The following OR2T2 variants were observed in gnomAD, a reference collection of about 807,000 sequenced individuals.
OR2T2 encodes olfactory receptor 2T2.
For missense variants in OR2T2, 138 were observed against 409.1 expected, an observed-to-expected ratio of 0.34 and a Z score of 5.72; for synonymous variants, 50 against 162.7, an observed-to-expected ratio of 0.31 and a Z score of 5.27.
chr1:248,447,239 G>T (rs1362324240), intron 2 of OR2T2, among the ~76,000 whole-genome samples: 1 of 150,082 alleles, frequency 6.7e-6, no homozygotes, highest in Non-Finnish European at 1.5e-5. Flanking sequence ...GAGTACAGGA[G>T]TAGCTTGTGT....
Position 248,446,583 on chromosome 1 carries a change from C to G in OR2T2, c.-245-6C>G, listed in dbSNP as rs1460489961. The stretch of plus-strand genomic sequence containing the variant: ...ATTCCCTTACTCTCCATTTCCTCTT[C>G]CACAGCGTTAGCAGGGTGGACTGGA... On this transcript the variant is annotated splice_region_variant and splice_polypyrimidine_tract_variant and intron_variant, in intron 1 of 2. Coordinates refer to ENST00000642130, the Ensembl canonical transcript of OR2T2. The G allele has an allele frequency of 6.8e-6, 1 of 147,380 alleles. No individual in the cohort carries two copies. The highest frequency in any genetic ancestry group is 2.7e-5 in the African/African-American group (1 of 36,526). The allele number at this position is 147,380 out of a possible 1,614,324, so 9.1% of individuals were successfully genotyped here.
At chr1:248,448,514 CTG>C (rs1334084980) in intron 2 of OR2T2, among the ~76,000 whole-genome samples, 1 of 16,968 alleles carries the variant, frequency 5.9e-5, no homozygotes, top group Non-Finnish European at 1.1e-4. Context: ...TAAGGGGAAA[CTG>C]TACCTTTGTC....
At chr1:248,453,746 G>T in exon 3 of OR2T2, 2 of 1,610,556 alleles carry the variant, frequency 1.2e-6, no homozygotes, top group Non-Finnish European at 8.5e-7. Context: ...GAGCATCAGG[G>T]TGGCGACTGT....
intron 2 of OR2T2, among the ~76,000 whole-genome samples, chr1:248,448,240 A>AGC: frequency 1.3e-5 from 2 of 150,652 alleles, no homozygotes; most frequent in Non-Finnish European, 2.9e-5. Context: ...CAAGATCTAT[A>AGC]TTAAGAAAAA....
chr1:248,449,195 T>C (rs1240186043), intron 2 of OR2T2: 102 of 150,316 alleles, frequency 6.8e-4, no homozygotes, highest in African/African-American at 2.3e-3. Context: ...CCTTTCAAGC[T>C]TTACAGGTAC....
At chr1:248,448,154 G>GT (rs1480648592) in intron 2 of OR2T2, among the ~76,000 whole-genome samples, 1 of 150,880 alleles carries the variant, frequency 6.6e-6, no homozygotes, top group Non-Finnish European at 1.5e-5. Flanking sequence ...AAGAGAGGCT[G>GT]TAAGGTGCTT....
exon 3 of OR2T2, chr1:248,453,402 C>T (rs1662860102): frequency 6.9e-6 from 11 of 1,585,312 alleles, no homozygotes; most frequent in Admixed American, 1.8e-5. Flanking sequence ...CTGATGTATG[C>T]CTGCTGCGTG....
chr1:248,445,895 G>A (rs1662631771), intron 1 of OR2T2, among the ~76,000 whole-genome samples: 2 of 149,444 alleles, frequency 1.3e-5, no homozygotes, highest in South Asian at 4.1e-4. Flanking sequence ...GGGAAGCTAA[G>A]GGAAATGTAA....
At chr1:248,453,117 C>T (rs149125804) in exon 3 of OR2T2, 6 of 1,606,750 alleles carry the variant, frequency 3.7e-6, no homozygotes, top group African/African-American at 2.9e-5. Context: ...CTCTACCTGA[C>T]CCTGATTGGA....
At chr1:248,447,124 G>C (rs1253895814) in intron 2 of OR2T2, among the ~76,000 whole-genome samples, 2 of 152,112 alleles carry the variant, frequency 1.3e-5, no homozygotes, top group East Asian at 3.8e-4. Flanking sequence ...TAAGGGAAAA[G>C]AGAAATTCAC....
At chr1:248,453,864 G>A (rs1466905449) in exon 3 of OR2T2, 4 of 1,483,564 alleles carry the variant, frequency 2.7e-6, no homozygotes, top group Non-Finnish European at 2.8e-6. Context: ...GATCAGGAAG[G>A]ACTAGCAAGG....
intron 2 of OR2T2, 57 bp downstream of exon 2, chr1:248,446,868 A>C (rs1389243131): frequency 1.4e-5 from 2 of 147,474 alleles, no homozygotes; most frequent in Admixed American, 6.6e-5. Flanking sequence ...AACTTCTGGC[A>C]TAGTAAGTGT....
At chr1:248,447,963 G>A (rs75914430) in intron 2 of OR2T2, among the ~76,000 whole-genome samples, 11,648 of 139,160 alleles carry the variant, frequency 0.084, 8 homozygotes, top group African/African-American at 0.13. Flanking sequence ...GTAGTGTGGT[G>A]GAAATATCAT....
rs1553319228 is a variant in OR2T2, at chr1:248,449,831, T to TTTC, written c.-22-2943_-22-2942insCTT. Among the ~76,000 whole-genome samples the TTTC allele has an allele frequency of 3.9e-5, 5 of 127,102 alleles. No individual in the cohort carries two copies. In the South Asian group the frequency reaches 9.2e-4, roughly 23 times the overall value. 83.4% of individuals were successfully genotyped at this position (127,102 alleles called of 152,430 possible). A position where few individuals can be genotyped will look rare whatever the true frequency, so the allele number is the denominator to read the frequency against. ...TTTTCTTTTTCTTTTTCTTTTTCTT[T>TTTC]TTTTTTTTTTTTGGAAAGACTAGTT... On this transcript the variant is annotated intron_variant, in intron 2 of 2. Coordinates refer to ENST00000642130, the Ensembl canonical transcript of OR2T2.
chr1:248,453,403 C>A, exon 3 of OR2T2: 1 of 1,526,574 alleles, frequency 6.6e-7, no homozygotes, highest in South Asian at 1.2e-5. Context: ...TGATGTATGC[C>A]TGCTGCGTGC....
chr1:248,453,644 A>G (rs1351883420), exon 3 of OR2T2: 45 of 1,594,020 alleles, frequency 2.8e-5, no homozygotes, highest in African/African-American at 7.1e-5. Flanking sequence ...CACCATCCTC[A>G]CCCCCATGCT....
exon 3 of OR2T2, chr1:248,453,834 G>C (rs1456089029): frequency 2.0e-5 from 28 of 1,415,952 alleles, no homozygotes; most frequent in Non-Finnish European, 2.5e-5. Context: ...GGGACTCCCA[G>C]AGCATCAGGG....
At chr1:248,453,262 G>A in exon 3 of OR2T2, 2 of 1,599,032 alleles carry the variant, frequency 1.3e-6, no homozygotes, top group South Asian at 1.1e-5. Context: ...GTGGTTCCTT[G>A]GATGGGTTCA....
Position 248,446,064 on chromosome 1 carries a change from T to C in OR2T2, c.-246+395T>C, listed in dbSNP as rs550928167. 5.3e-4 allele frequency among the ~76,000 whole-genome samples: 77 copies of C among 145,660 alleles called. 7 individuals carry two copies. The highest frequency in any genetic ancestry group is 2.0e-3 in the African/African-American group (72 of 36,026). Reference sequence around the variant, plus strand: ...AAGCATAGATTGCCCTCTGAATATTTTGTTAAAATTTTAATTTACATTTTA... The same window carrying C: ...AAGCATAGATTGCCCTCTGAATATTCTGTTAAAATTTTAATTTACATTTTA... On this transcript the variant is annotated intron_variant, in intron 1 of 2. Transcript: ENST00000642130.
Sources: allele counts gnomAD v4.1 joint callset (sites outside exome capture counted in the v4.1 genomes callset), GRCh38; gene constraint gnomAD v4.1.1; transcripts MANE v1.5; gene names NCBI Gene and HGNC (gene_info 2026-07-23, HGNC 2026-07-21).